The following ARHGEF3 variants were observed in gnomAD, a reference collection of about 807,000 sequenced individuals.
ARHGEF3 encodes the protein Rho guanine nucleotide exchange factor 3.
Under a neutral mutation model 63.2 loss-of-function variants are expected in ARHGEF3, and 28 were observed. The ratio of observed to expected loss-of-function variants is 0.44; its 90% CI spans 0.33 to 0.61. The LOEUF is 0.61. Among genes scored for constraint, ARHGEF3 ranks in the 20% least tolerant of loss-of-function variants. The pLI is 0.03. For missense variants in ARHGEF3, 533 were observed against 659.3 expected (o/e 0.81, Z 2.10); for synonymous variants, 266 against 254.2 (o/e 1.05, Z -0.44).
Position 56,994,737 on chromosome 3 carries a change from G to A in ARHGEF3, c.63-35848C>T, listed in dbSNP as rs192350400. Among the ~76,000 whole-genome samples the A allele has an allele frequency of 2.9e-3, 447 of 152,204 alleles. 2 individuals are homozygous for A. Among genetic ancestry groups the A allele is most frequent in the Non-Finnish European group, 2.5e-3 (172 of 68,018 alleles). ...ACTTCCCACACTCCCCCGAATCCAG[G>A]ACAATAGAAGAAAATACAAGATGCG... On this transcript the variant is annotated intron_variant, in intron 2 of 12. Transcript: ENST00000338458.
At chr3:56,786,108 C>T (rs1333644927) in intron 1 of ARHGEF3, among the ~76,000 whole-genome samples, 1 of 152,170 alleles carries the variant, frequency 6.6e-6, no homozygotes, top group Non-Finnish European at 1.5e-5. Flanking sequence ...ACACTTAGAA[C>T]CAGGGGACAC....
chr3:56,870,391 T>C (rs770707211), intron 4 of ARHGEF3, among the ~76,000 whole-genome samples: 2 of 152,190 alleles, frequency 1.3e-5, no homozygotes, highest in Non-Finnish European at 1.5e-5. Flanking sequence ...TACTGTATCC[T>C]TCCAACTATA....
chr3:56,980,931 T>C (rs894077456), intron 2 of ARHGEF3, among the ~76,000 whole-genome samples: 1 of 152,206 alleles, frequency 6.6e-6, no homozygotes, highest in East Asian at 1.9e-4. Context: ...ACTTGTGCAA[T>C]TGTATGACTG....
chr3:56,819,347 CTTCTCCAT>C (rs2038383219), intron 4 of ARHGEF3, among the ~76,000 whole-genome samples: 1 of 152,154 alleles, frequency 6.6e-6, no homozygotes. Flanking sequence ...CTCCCTCATC[CTTCTCCAT>C]GTTTTAAAAT....
At chr3:56,868,183 T>A (rs1020746230) in intron 4 of ARHGEF3, among the ~76,000 whole-genome samples, 2 of 152,196 alleles carry the variant, frequency 1.3e-5, no homozygotes, top group African/African-American at 4.8e-5. Context: ...TGAAACTCAA[T>A]GCTTCTAGAG....
At chr3:56,952,385 A>G (rs1179074091) in intron 3 of ARHGEF3, among the ~76,000 whole-genome samples, 1 of 152,206 alleles carries the variant, frequency 6.6e-6, no homozygotes, top group African/African-American at 2.4e-5. Context: ...CCCAGGCCTC[A>G]GATGAAACTC....
chr3:56,732,179 C>A, intron 9 of ARHGEF3, 59 bp downstream of exon 9: 1 of 1,594,784 alleles, frequency 6.3e-7, no homozygotes, highest in Non-Finnish European at 8.6e-7. Flanking sequence ...GCTGCCCACT[C>A]CCTCCAAACT....
chr3:56,840,447 T>G (rs1351034932), intron 4 of ARHGEF3, among the ~76,000 whole-genome samples: 2 of 152,226 alleles, frequency 1.3e-5, no homozygotes, highest in Non-Finnish European at 2.9e-5. Flanking sequence ...GCTCCAAGTA[T>G]GCTCCCATAA....
intron 4 of ARHGEF3, among the ~76,000 whole-genome samples, chr3:56,865,153 T>C (rs935332519): frequency 1.1e-4 from 16 of 152,166 alleles, no homozygotes; most frequent in Non-Finnish European, 1.9e-4. Flanking sequence ...GGCGAGCACA[T>C]GGCAGGCCTA....
intron 3 of ARHGEF3, among the ~76,000 whole-genome samples, chr3:56,905,189 A>G (rs1208995488): frequency 6.6e-6 from 1 of 152,112 alleles, no homozygotes; most frequent in African/African-American, 2.4e-5. Context: ...CATTTTTTGA[A>G]TAGGTAATAT....
intron 3 of ARHGEF3, among the ~76,000 whole-genome samples, chr3:56,927,262 T>C (rs1162640015): frequency 6.6e-6 from 1 of 152,196 alleles, no homozygotes; most frequent in Non-Finnish European, 1.5e-5. Flanking sequence ...GCCTGGCACA[T>C]AGTAAGTAAC....
intron 4 of ARHGEF3, among the ~76,000 whole-genome samples, chr3:56,876,275 G>C (rs1014315904): frequency 9.2e-5 from 14 of 152,168 alleles, no homozygotes; most frequent in African/African-American, 3.1e-4. Context: ...CTAGAGGCAG[G>C]CATGACAAGA....
chr3:56,910,392 C>G (rs1305118438), intron 3 of ARHGEF3, among the ~76,000 whole-genome samples: 1 of 152,188 alleles, frequency 6.6e-6, no homozygotes, highest in African/African-American at 2.4e-5. Context: ...TGAGTACAGT[C>G]AAAATCACTA....
intron 3 of ARHGEF3, among the ~76,000 whole-genome samples, chr3:56,897,542 A>G (rs11716312): frequency 6.6e-6 from 1 of 151,500 alleles, no homozygotes; most frequent in South Asian, 2.1e-4. Flanking sequence ...TGATGCTTTC[A>G]TTTCCAATCT....
intron 2 of ARHGEF3, among the ~76,000 whole-genome samples, chr3:57,005,893 T>G (rs1320050046): frequency 6.6e-6 from 1 of 152,214 alleles, no homozygotes. Context: ...TGTTCAAAGT[T>G]TTTTACGTAT....
chr3:56,869,741 GC>G (rs2040373101), intron 4 of ARHGEF3, among the ~76,000 whole-genome samples: 1 of 152,158 alleles, frequency 6.6e-6, no homozygotes, highest in Non-Finnish European at 1.5e-5. Context: ...GGGCATGGAA[GC>G]CCAGATGAAA....
At chr3:56,799,319 C>A (rs2037523334) in intron 1 of ARHGEF3, among the ~76,000 whole-genome samples, 1 of 152,170 alleles carries the variant, frequency 6.6e-6, no homozygotes, top group South Asian at 2.1e-4. Flanking sequence ...GTGCACTGTC[C>A]TACCCAAGGC....
At chr3:56,801,554 G>C (rs912861955) in intron 1 of ARHGEF3, 149 bp downstream of exon 1, 1 of 1,070,242 alleles carries the variant, frequency 9.3e-7, no homozygotes, top group Non-Finnish European at 1.3e-6. Context: ...AAGACTGTGG[G>C]AGAGATGTAG....
chr3:57,037,478 C>T (rs933362119), intron 1 of ARHGEF3, among the ~76,000 whole-genome samples: 2 of 152,190 alleles, frequency 1.3e-5, no homozygotes, highest in African/African-American at 4.8e-5. Flanking sequence ...CATGAGGGAT[C>T]AGGGCCTGCC....
Sources: allele counts gnomAD v4.1 joint callset (sites outside exome capture counted in the v4.1 genomes callset), GRCh38; gene constraint gnomAD v4.1.1; transcripts MANE v1.5; gene names NCBI Gene and HGNC (gene_info 2026-07-23, HGNC 2026-07-21).